Variants in BNC2 observed in about 807,000 individuals in gnomAD.
BNC2 encodes zinc finger protein basonuclin-2.
In BNC2, 20 loss-of-function variants were observed where a neutral mutation model predicts 76.3. The ratio of observed to expected loss-of-function variants is 0.26; its 90% CI spans 0.18 to 0.38. The LOEUF (loss-of-function observed/expected upper bound fraction) is 0.38. BNC2 is among the 10% of genes least tolerant of loss of function. The pLI is 1.00. For synonymous variants in BNC2, 582 were observed against 514.8 expected, an observed-to-expected ratio of 1.13 and a Z score of -1.77; for missense variants, 1,382 against 1,399.8, an observed-to-expected ratio of 0.99 and a Z score of 0.20.
At chr9:16,470,255 C>A (rs542147603) in intron 5 of BNC2, among the ~76,000 whole-genome samples, 3 of 152,076 alleles carry the variant, frequency 2.0e-5, no homozygotes, top group African/African-American at 7.2e-5. Context: ...CCTCGGCCTC[C>A]GAAAGTGCTT....
chr9:16,870,439 G>C (rs979093039), intron 1 of BNC2, among the ~76,000 whole-genome samples: 1 of 151,950 alleles, frequency 6.6e-6, no homozygotes, highest in African/African-American at 2.4e-5. Flanking sequence ...TTGGGGCCAA[G>C]TTTAGGGGAG....
At chr9:16,491,588 GA>G (rs987801056) in intron 5 of BNC2, among the ~76,000 whole-genome samples, 3 of 152,200 alleles carry the variant, frequency 2.0e-5, no homozygotes, top group South Asian at 2.1e-4. Context: ...GAAATGGGAG[GA>G]AGGCTTAAGA....
intron 2 of BNC2, among the ~76,000 whole-genome samples, chr9:16,733,648 A>G (rs1233579147): frequency 6.6e-6 from 1 of 152,180 alleles, no homozygotes; most frequent in Non-Finnish European, 1.5e-5. Context: ...GAGGAAGAGT[A>G]AAGAGTAGCT....
intron 4 of BNC2, among the ~76,000 whole-genome samples, chr9:16,558,879 A>G (rs1187132496): frequency 2.7e-5 from 4 of 149,662 alleles, no homozygotes; most frequent in Admixed American, 2.0e-4. Context: ...GGTTGCAGTG[A>G]GCTGAGATTG....
intron 1 of BNC2, 127 bp from the exon 2 acceptor site, chr9:16,738,612 G>A: frequency 1.8e-6 from 2 of 1,081,896 alleles, no homozygotes; most frequent in Admixed American, 4.3e-5. Context: ...CATTTTTTAA[G>A]AGTTAATAGT....
chr9:16,744,484 A>G (rs1824943701), intron 1 of BNC2, among the ~76,000 whole-genome samples: 1 of 152,134 alleles, frequency 6.6e-6, no homozygotes, highest in Non-Finnish European at 1.5e-5. Context: ...GATTATTCAT[A>G]TTAATGAGTT....
chr9:16,632,502 G>A (rs924780166), intron 3 of BNC2, among the ~76,000 whole-genome samples: 2 of 150,766 alleles, frequency 1.3e-5, no homozygotes, highest in African/African-American at 5.0e-5. Flanking sequence ...CTGCCAAACT[G>A]ATGAACTCTT....
intron 3 of BNC2, among the ~76,000 whole-genome samples, chr9:16,662,513 A>G (rs1254317780): frequency 6.6e-6 from 1 of 152,220 alleles, no homozygotes; most frequent in African/African-American, 2.4e-5. Context: ...AGGCAGGTGC[A>G]TCACCTGAGG....
In BNC2 at chr9:16,559,179, A is replaced by C. The variant is rs1818933979; in HGVS notation, c.434-6414T>G. Reference sequence around the variant, plus strand: ...TTTAAGTATCAACTATATATCAGGCATCATTCTAGAGCAAATTTGTCCAAA... The same window carrying C: ...TTTAAGTATCAACTATATATCAGGCCTCATTCTAGAGCAAATTTGTCCAAA... On this transcript the variant is annotated intron_variant, in intron 4 of 6. Coordinates refer to ENST00000380672, the MANE Select transcript of BNC2 (RefSeq NM_017637.6). Among the ~76,000 whole-genome samples, 3 of 152,200 alleles carry C rather than the reference A, an allele frequency of 2.0e-5. No individual in the cohort carries two copies. The South Asian group carries it at 6.2e-4, about 31-fold the overall frequency.
chr9:16,792,788 A>G (rs974498118), intron 1 of BNC2, among the ~76,000 whole-genome samples: 2 of 152,262 alleles, frequency 1.3e-5, no homozygotes, highest in African/African-American at 4.8e-5. Context: ...TGACATTTTC[A>G]GTAACACTGA....
rs559478203 is a variant in BNC2, at chr9:16,609,010, T to G, written c.331-25925A>C. On this transcript the variant is annotated intron_variant, in intron 3 of 6. Transcript: ENST00000380672. ...TCCTGTACAGGAAGGGATCTTGGGA[T>G]TTTTCTGTGTTTCTTTAGCACCTAG... Among the ~76,000 whole-genome samples the G allele has an allele frequency of 2.0e-5, 3 of 152,294 alleles. No individual in the cohort carries two copies. In the East Asian group the frequency reaches 5.8e-4, roughly 29 times the overall value.
chr9:16,441,540 A>G (rs1380075024), intron 5 of BNC2, among the ~76,000 whole-genome samples: 3 of 152,212 alleles, frequency 2.0e-5, no homozygotes, highest in Non-Finnish European at 4.4e-5. Flanking sequence ...TGTGATAGAA[A>G]TAAGTATGGT....
At chr9:16,652,775 TA>T (rs1032426952) in intron 3 of BNC2, among the ~76,000 whole-genome samples, 1 of 152,154 alleles carries the variant, frequency 6.6e-6, no homozygotes, top group Non-Finnish European at 1.5e-5. Flanking sequence ...ACAACATTCC[TA>T]AAAGTGAAAG....
At chr9:16,818,081 G>C (rs985417597) in intron 1 of BNC2, among the ~76,000 whole-genome samples, 2 of 151,976 alleles carry the variant, frequency 1.3e-5, no homozygotes, top group Admixed American at 1.3e-4. Flanking sequence ...AAAATGGCAA[G>C]CCTGCAACTG....
At chr9:16,835,055 A>G (rs1818669980) in intron 1 of BNC2, among the ~76,000 whole-genome samples, 1 of 152,184 alleles carries the variant, frequency 6.6e-6, no homozygotes, top group African/African-American at 2.4e-5. Flanking sequence ...TCATTCCTCT[A>G]GTATCACAAA....
At chr9:16,812,667 C>A (rs781226808) in intron 1 of BNC2, among the ~76,000 whole-genome samples, 2 of 152,130 alleles carry the variant, frequency 1.3e-5, no homozygotes, top group Non-Finnish European at 2.9e-5. Context: ...ATAGATATTT[C>A]TCATGCCTGG....
At chr9:16,833,178 A>T (rs555775960) in intron 1 of BNC2, among the ~76,000 whole-genome samples, 1 of 152,092 alleles carries the variant, frequency 6.6e-6, no homozygotes, top group East Asian at 1.9e-4. Flanking sequence ...GCCACCACCA[A>T]TTTCGCTCCC....
intron 1 of BNC2, among the ~76,000 whole-genome samples, chr9:16,748,370 G>A (rs1825070616): frequency 6.6e-6 from 1 of 151,982 alleles, no homozygotes; most frequent in Non-Finnish European, 1.5e-5. Flanking sequence ...AAAATTAGTT[G>A]GGCATGGTGG....
At chr9:16,668,144 T>C (rs1426852553) in intron 3 of BNC2, among the ~76,000 whole-genome samples, 7 of 152,304 alleles carry the variant, frequency 4.6e-5, no homozygotes, top group African/African-American at 1.7e-4. Flanking sequence ...TTATGCACCT[T>C]GTTTTTCTTC....
Sources: gnomAD v4.1 joint callset for allele counts (sites outside exome capture counted in the v4.1 genomes callset) on GRCh38, gnomAD v4.1.1 for gene constraint, MANE v1.5 for transcripts, NCBI Gene and HGNC (gene_info 2026-07-23, HGNC 2026-07-21) for gene names.